NPIPB15: variants seen among roughly 807,000 people sequenced by gnomAD.
The protein encoded by NPIPB15 is nuclear pore complex interacting protein family member B15, also known as nuclear pore complex-interacting protein family member B15.
In NPIPB15, 5 loss-of-function variants were observed where a neutral mutation model predicts 35.9. That is an observed-to-expected ratio of 0.14 (90% confidence interval 0.07 to 0.29). NPIPB15 has a LOEUF of 0.29. Among genes scored for constraint, NPIPB15 ranks in the 10% least tolerant of loss-of-function variants. The probability of loss-of-function intolerance (pLI) is 1.00; values close to 1 mark genes in which losing one functional copy is unlikely to be tolerated. For missense variants in NPIPB15, 100 were observed against 506.1 expected (o/e 0.20, Z 7.70); for synonymous variants, 43 against 182.0 (o/e 0.24, Z 6.15).
intron 7 of NPIPB15, 147 bp from the exon 8 acceptor site, chr16:74,391,244 G>A: frequency 6.5e-7 from 1 of 1,538,118 alleles, no homozygotes; most frequent in East Asian, 2.4e-5. Flanking sequence ...GTGATATCAT[G>A]ACACTGATAC....
intron 1 of NPIPB15, among the ~76,000 whole-genome samples, 123 bp downstream of exon 1, chr16:74,377,469 T>C (rs1321921457): frequency 2.0e-5 from 3 of 151,892 alleles, no homozygotes; most frequent in Non-Finnish European, 4.4e-5. Context: ...ACCACCGGGG[T>C]CATCAGGGAT....
At position 74,379,690 on chromosome 16, in the gene NPIPB15, A is replaced by G. The variant is rs543449560; in HGVS notation, c.66+1651A>G. ...CTGCAACCTCTGCCTCCTGGGTTCAAGTGATTCTTCTGCCTCAGCCTCCCA... is the reference window on the plus strand; with the variant it reads ...CTGCAACCTCTGCCTCCTGGGTTCAGGTGATTCTTCTGCCTCAGCCTCCCA... On this transcript the variant is annotated intron_variant, in intron 2 of 7. Transcript: ENST00000692376. Among the ~76,000 whole-genome samples the G allele has an allele frequency of 3.9e-5, 6 of 152,118 alleles. No individual in the cohort carries two copies. In the South Asian group the frequency reaches 8.3e-4, roughly 21 times the overall value.
At chr16:74,389,702 C>G in intron 5 of NPIPB15, 123 bp from the exon 6 acceptor site, 1 of 582,756 alleles carries the variant, frequency 1.7e-6, no homozygotes, top group Non-Finnish European at 2.9e-6. Flanking sequence ...ATCTGAAATA[C>G]GTTTTCTAGG....
At chr16:74,384,789 C>G (rs1266603852) in intron 3 of NPIPB15, among the ~76,000 whole-genome samples, 1 of 147,562 alleles carries the variant, frequency 6.8e-6, no homozygotes, top group African/African-American at 2.5e-5. Flanking sequence ...TCAAGTGATT[C>G]TCCTGCCTCA....
rs1254292094 is a variant in NPIPB15 at position 74,387,482 on chromosome 16, TCCC to T, written c.545+1736_545+1738del. Among the ~76,000 whole-genome samples the T allele has an allele frequency of 2.7e-5, 4 of 149,014 alleles. No individual in the cohort carries two copies. In the East Asian group the frequency reaches 8.1e-4, roughly 30 times the overall value. On this transcript the variant is annotated intron_variant, in intron 5 of 7. Transcript: ENST00000692376. ...CATGGGTTTTATATTCTGTTTGGTG[TCCC>T]CCATTGTTCTCATCGGAGATCAGAA... is the stretch of plus-strand genomic sequence containing the variant.
chr16:74,389,991 T>C lies in NPIPB15; in HGVS notation c.607-4T>C, dbSNP rs780528893. 6.3e-7 allele frequency: 1 copy of C among 1,596,924 alleles called. No individual in the cohort carries two copies. Among genetic ancestry groups the C allele is most frequent in the African/African-American group, 1.3e-5 (1 of 74,802 alleles). ...TTCAATTTCTCATGTGTTGGCTTTT[T>C]CAGATCCCCCCTTCTGCAAGAAAGC... is the stretch of plus-strand genomic sequence containing the variant. On this transcript the variant is annotated splice_polypyrimidine_tract_variant and splice_region_variant and intron_variant, in intron 6 of 7. Coordinates refer to ENST00000692376, the MANE Select transcript of NPIPB15 (RefSeq NM_001306094.2).
chr16:74,381,992 GA>G (rs2142662563), intron 3 of NPIPB15, among the ~76,000 whole-genome samples: 1 of 100,438 alleles, frequency 1.0e-5, no homozygotes, highest in Non-Finnish European at 1.9e-5. Flanking sequence ...ACTTAAATAG[GA>G]AATTCTTTCT....
At chr16:74,384,682 T>TTTTA (rs2012167608) in intron 3 of NPIPB15, among the ~76,000 whole-genome samples, 1 of 86,752 alleles carries the variant, frequency 1.2e-5, no homozygotes, top group African/African-American at 4.8e-5. Context: ...TTTTTTTTTT[T>TTTTA]TTTTTTTTTT....
chr16:74,376,993 A>C lies in NPIPB15; in HGVS notation c.-376A>C, dbSNP rs1204524143. On this transcript the variant is annotated 5_prime_UTR_variant, in exon 1 of 8. Transcript: ENST00000692376. ...AATATATTGAGATTTGCTGGAACAAAATAAGTCAGGTTAATTTTTGTAAAT... is the reference window on the plus strand; with the variant it reads ...AATATATTGAGATTTGCTGGAACAACATAAGTCAGGTTAATTTTTGTAAAT... Among the ~76,000 whole-genome samples, 1 of 145,100 alleles carries C rather than the reference A, an allele frequency of 6.9e-6. No homozygotes were observed. The highest frequency in any genetic ancestry group is 1.5e-5 in the Non-Finnish European group (1 of 66,614).
intron 1 of NPIPB15, among the ~76,000 whole-genome samples, 27 bp downstream of exon 1, chr16:74,377,373 G>A (rs1297323868): frequency 2.0e-5 from 3 of 152,028 alleles, no homozygotes; most frequent in Non-Finnish European, 2.9e-5. Context: ...GAGAGGACCT[G>A]TCCTTGCGAG....
rs2011710793 is a variant in NPIPB15, at chr16:74,377,323, T to C, written c.-46T>C. 6.6e-6 allele frequency among the ~76,000 whole-genome samples: 1 copy of C among 151,916 alleles called. No individual in the cohort carries two copies. Among genetic ancestry groups the C allele is most frequent in the Non-Finnish European group, 1.5e-5 (1 of 68,024 alleles). ...GAGCCCAGAAGCAGGGACAGGGAGC[T>C]GGTTGGGGAGGACCAGAAATCAGGT... On this transcript the variant is annotated 5_prime_UTR_variant, in exon 1 of 8. Coordinates refer to ENST00000692376, the MANE Select transcript of NPIPB15 (RefSeq NM_001306094.2).
At chr16:74,380,039 CTTTT>C (rs1321310942) in intron 2 of NPIPB15, among the ~76,000 whole-genome samples, 5 of 147,408 alleles carry the variant, frequency 3.4e-5, no homozygotes, top group Middle Eastern at 3.6e-3. Flanking sequence ...TAGAGGGATT[CTTTT>C]ACCATGTGAT....
rs754997282 is a variant in NPIPB15 at position 74,388,910 on chromosome 16, T to C, written c.546-915T>C. 101 of 930,302 alleles carry C rather than the reference T, an allele frequency of 1.1e-4. 10 individuals are homozygous for C. Among genetic ancestry groups the C allele is most frequent in the Non-Finnish European group, 1.3e-4 (101 of 784,624 alleles). The allele number at this position is 930,302 out of a possible 1,614,324, so 57.6% of individuals were successfully genotyped here. On this transcript the variant is annotated intron_variant, in intron 5 of 7. Transcript: ENST00000692376. ...TGTTTAGACCCAGTAAATGCAGAAA[T>C]AGAAACAAATGGTCAGAAGACCTAT...
At chr16:74,384,993 G>A (rs945863965) in intron 3 of NPIPB15, among the ~76,000 whole-genome samples, 12 of 9,722 alleles carry the variant, frequency 1.2e-3, no homozygotes, top group South Asian at 6.3e-3. Context: ...TGTCATTCTT[G>A]TGTGTGTGTG....
rs1597148861 is a variant in NPIPB15 at position 74,376,666 on chromosome 16, G to A, written c.-703G>A. Among the ~76,000 whole-genome samples the A allele has an allele frequency of 6.6e-6, 1 of 152,152 alleles. No individual in the cohort carries two copies. The highest frequency in any genetic ancestry group is 2.1e-4 in the South Asian group (1 of 4,828). ...AGGCAGTAAGATGATTATAGATAAGGACATCATCACTCGGTTTCAGATGTT... is the reference window on the plus strand; with the variant it reads ...AGGCAGTAAGATGATTATAGATAAGAACATCATCACTCGGTTTCAGATGTT... On this transcript the variant is annotated 5_prime_UTR_variant, in exon 1 of 8. Transcript: ENST00000692376.
chr16:74,382,515 A>T (rs1237005624), intron 3 of NPIPB15, among the ~76,000 whole-genome samples: 1 of 152,252 alleles, frequency 6.6e-6, no homozygotes, highest in Non-Finnish European at 1.5e-5. Flanking sequence ...CTGGAAAGAG[A>T]TCAGTATGTC....
chr16:74,384,991 TTGTGTG>T (rs199888896), intron 3 of NPIPB15, among the ~76,000 whole-genome samples: 3,668 of 93,284 alleles, frequency 0.039, 105 homozygotes, highest in African/African-American at 0.097. Context: ...CATGTCATTC[TTGTGTG>T]TGTGTGTGTG....
At position 74,379,919 on chromosome 16, in the gene NPIPB15, A is replaced by T. The variant is rs2011893475; in HGVS notation, c.67-1597A>T. Among the ~76,000 whole-genome samples the T allele has an allele frequency of 3.3e-5, 5 of 150,794 alleles. No individual in the cohort carries two copies. The Admixed American group carries it at 3.3e-4, about 10-fold the overall frequency. ...GTTAATTTTTAAGCACTAAAATTTGATACTTATTTGTGAATGAAGTAATCT... is the reference window on the plus strand; with the variant it reads ...GTTAATTTTTAAGCACTAAAATTTGTTACTTATTTGTGAATGAAGTAATCT... On this transcript the variant is annotated intron_variant, in intron 2 of 7. Coordinates refer to ENST00000692376, the MANE Select transcript of NPIPB15 (RefSeq NM_001306094.2).
In NPIPB15 at chr16:74,377,264, C is replaced by A. The variant is rs1193365384; in HGVS notation, c.-105C>A. Among the ~76,000 whole-genome samples the A allele has an allele frequency of 6.6e-6, 1 of 151,042 alleles. No homozygotes were observed. Among genetic ancestry groups the A allele is most frequent in the Admixed American group, 6.7e-5 (1 of 14,970 alleles). On this transcript the variant is annotated 5_prime_UTR_variant, in exon 1 of 8. Transcript: ENST00000692376. Reference sequence around the variant, plus strand: ...TTTTATGTTTTGTCGCCAAAAGTGACCTTGAGGAACCCTGGGAGCTCAGGA... The same window carrying A: ...TTTTATGTTTTGTCGCCAAAAGTGAACTTGAGGAACCCTGGGAGCTCAGGA...
Sources: allele counts gnomAD v4.1 joint callset (sites outside exome capture counted in the v4.1 genomes callset), GRCh38; gene constraint gnomAD v4.1.1; transcripts MANE v1.5; gene names NCBI Gene and HGNC (gene_info 2026-07-23, HGNC 2026-07-21).